AKR1B15: variants seen among roughly 807,000 people sequenced by gnomAD.
The protein encoded by AKR1B15 is aldo-keto reductase family 1 member B15.
A neutral mutation model predicts 38.5 loss-of-function variants in AKR1B15; 49 were observed. The ratio of observed to expected loss-of-function variants is 1.27; its 90% CI spans 1.01 to 1.62. AKR1B15 has a LOEUF of 1.62. AKR1B15 is among the 40% of genes most tolerant of loss of function. The pLI is 0.00. For missense variants in AKR1B15, 411 were observed against 381.6 expected (o/e 1.08, Z -0.64); for synonymous variants, 137 against 135.5 (o/e 1.01, Z -0.08).
chr7:134,557,278 G>A (rs1427382837), intron 2 of AKR1B15, among the ~76,000 whole-genome samples: 1 of 152,112 alleles, frequency 6.6e-6, no homozygotes, highest in Non-Finnish European at 1.5e-5. Context: ...GCAACGCATA[G>A]CTTCTGTCAA....
chr7:134,561,223 T>C (rs978949306), intron 2 of AKR1B15, among the ~76,000 whole-genome samples: 9 of 152,182 alleles, frequency 5.9e-5, no homozygotes, highest in Non-Finnish European at 8.8e-5. Context: ...TATTTATTTA[T>C]TTATTTTTGA....
chr7:134,557,289 T>C (rs1374713554), intron 2 of AKR1B15, among the ~76,000 whole-genome samples: 3 of 152,156 alleles, frequency 2.0e-5, no homozygotes, highest in Non-Finnish European at 4.4e-5. Flanking sequence ...CTTCTGTCAA[T>C]CTTATGTATC....
intron 6 of AKR1B15, chr7:134,573,647 G>A: frequency 1.6e-6 from 1 of 644,620 alleles, no homozygotes; most frequent in Non-Finnish European, 1.9e-6. Context: ...TTTTAATACG[G>A]GAAAACTAAC....
chr7:134,568,472 C>T (rs1794593193), intron 4 of AKR1B15, 147 bp downstream of exon 4: 7 of 1,268,500 alleles, frequency 5.5e-6, no homozygotes, highest in Non-Finnish European at 6.5e-6. Context: ...ACAATACTAT[C>T]CATACTCCAA....
intron 2 of AKR1B15, 82 bp downstream of exon 2, chr7:134,556,941 CA>C (rs535554912): frequency 2.5e-4 from 38 of 152,304 alleles, no homozygotes; most frequent in African/African-American, 8.7e-4. Flanking sequence ...AGTAGTTCTT[CA>C]AAACCGCCGA....
At chr7:134,559,838 A>C (rs933938899) in intron 2 of AKR1B15, among the ~76,000 whole-genome samples, 3 of 152,130 alleles carry the variant, frequency 2.0e-5, no homozygotes, top group Admixed American at 2.0e-4. Context: ...TGCCAGGTGC[A>C]GTGGCTCACG....
rs563118086 is a variant in AKR1B15 at position 134,575,431 on chromosome 7, G to C, written c.525G>C (p.Glu175Asp). Reference protein sequence around the residue: ...TFLDAWEAMEELVDEGLVKAL... With the variant: ...TFLDAWEAMEDLVDEGLVKAL... ...CCTTTCTATGATAGGCCATGGAGGA[G>C]CTGGTGGACGAGGGGCTGGTGAAAG... Residue 175 changes from glutamate (E) to aspartate (D), a missense_variant, in exon 7 of 12, where the codon GAG becomes GAC. Physicochemically the swap from Glu to Asp is conservative, Grantham distance 45 (BLOSUM62 2). Coordinates refer to ENST00000457545, the MANE Select transcript of AKR1B15 (RefSeq NM_001080538.3). The C allele has an allele frequency of 1.9e-6, 3 of 1,613,826 alleles. No individual in the cohort carries two copies. Among genetic ancestry groups the C allele is most frequent in the Non-Finnish European group, 2.5e-6 (3 of 1,179,798 alleles).
At chr7:134,566,876 C>G (rs1211857302) in intron 3 of AKR1B15, among the ~76,000 whole-genome samples, 1 of 152,180 alleles carries the variant, frequency 6.6e-6, no homozygotes, top group African/African-American at 2.4e-5. Context: ...AGATTTGCCC[C>G]AAATCAGAGC....
chr7:134,578,250 G>A (rs1794807149), intron 11 of AKR1B15, among the ~76,000 whole-genome samples: 1 of 152,228 alleles, frequency 6.6e-6, no homozygotes, highest in African/African-American at 2.4e-5. Flanking sequence ...GTAGGGCAAA[G>A]TGGACAGGAA....
rs913546326 is a variant in AKR1B15 at position 134,565,398 on chromosome 7, G to T, written c.150+629G>T. 5 of 1,603,514 alleles carry T rather than the reference G, an allele frequency of 3.1e-6. No homozygotes were observed. In the African/African-American group the frequency reaches 6.7e-5, roughly 21 times the overall value. ...TCATTCTTGAAGCCAGCGAGACCAC[G>T]AACCCTCTGGAAGGAACCAACTCTG... On this transcript the variant is annotated intron_variant, in intron 3 of 11. Coordinates refer to ENST00000457545, the MANE Select transcript of AKR1B15 (RefSeq NM_001080538.3).
At chr7:134,551,504 G>GGGAGCATATCTGAAGAGAA (rs1793976542) in intron 1 of AKR1B15, among the ~76,000 whole-genome samples, 1 of 152,186 alleles carries the variant, frequency 6.6e-6, no homozygotes, top group Non-Finnish European at 1.5e-5. Context: ...TCTGAAGAGA[G>GGGAGCATATCTGAAGAGAA]GGACCATATC....
chr7:134,568,265 CATCCAAGAGAAG>C lies in AKR1B15; in HGVS notation c.271_282del (p.Ile91_Lys94del), dbSNP rs1280472075. 4 of 1,614,092 alleles carry C rather than the reference CATCCAAGAGAAG, an allele frequency of 2.5e-6. No individual in the cohort carries two copies. ...AGAATCAACATGAGGTGGGAGAAGC[CATCCAAGAGAAG>C]ATCCAAGAGAAGGCTGTGATGCGGG... On this transcript the variant is annotated inframe_deletion, in exon 4 of 12. Transcript: ENST00000457545.
intron 2 of AKR1B15, among the ~76,000 whole-genome samples, chr7:134,561,841 G>A (rs1325374603): frequency 6.6e-6 from 1 of 152,106 alleles, no homozygotes; most frequent in East Asian, 1.9e-4. Flanking sequence ...AATCAGGTCG[G>A]GATTTGACCA....
intron 1 of AKR1B15, among the ~76,000 whole-genome samples, chr7:134,554,590 C>T (rs1481568526): frequency 6.6e-6 from 1 of 152,128 alleles, no homozygotes; most frequent in Non-Finnish European, 1.5e-5. Flanking sequence ...AAGTAAACAC[C>T]AAGCAAGGTC....
At chr7:134,560,220 TAGA>T (rs1370904155) in intron 2 of AKR1B15, among the ~76,000 whole-genome samples, 4 of 152,178 alleles carry the variant, frequency 2.6e-5, no homozygotes, top group Admixed American at 2.0e-4. Context: ...CTTTGATCAA[TAGA>T]AGGTGACAGA....
At chr7:134,562,874 CTT>C (rs1380676045) in intron 2 of AKR1B15, among the ~76,000 whole-genome samples, 1 of 138,832 alleles carries the variant, frequency 7.2e-6, no homozygotes, top group Non-Finnish European at 1.6e-5. Flanking sequence ...TTCTTTCTTT[CTT>C]TCTTTCTTTC....
intron 11 of AKR1B15, among the ~76,000 whole-genome samples, chr7:134,578,265 T>G (rs1013243730): frequency 6.6e-6 from 1 of 152,114 alleles, no homozygotes; most frequent in Non-Finnish European, 1.5e-5. Flanking sequence ...CAGGAAGTGG[T>G]AGGTGGTAGT....
intron 6 of AKR1B15, among the ~76,000 whole-genome samples, chr7:134,572,240 G>C (rs1794682691): frequency 6.6e-6 from 1 of 152,120 alleles, no homozygotes; most frequent in Non-Finnish European, 1.5e-5. Context: ...GACTTGCCCA[G>C]GTCATGTCAC....
chr7:134,579,118 G>A (rs1197868155), intron 11 of AKR1B15, among the ~76,000 whole-genome samples: 1 of 152,052 alleles, frequency 6.6e-6, no homozygotes, highest in East Asian at 1.9e-4. Context: ...AATGTGCCAG[G>A]GTCCTGAGCC....
Sources: allele counts gnomAD v4.1 joint callset (sites outside exome capture counted in the v4.1 genomes callset), GRCh38; gene constraint gnomAD v4.1.1; transcripts MANE v1.5; gene names NCBI Gene and HGNC (gene_info 2026-07-23, HGNC 2026-07-21).